The following UBE2O variants were observed in gnomAD, a reference collection of about 807,000 sequenced individuals.
UBE2O encodes the protein ubiquitin conjugating enzyme E2 O.
Under a neutral mutation model 125.8 loss-of-function variants are expected in UBE2O, and 15 were observed. That is an observed-to-expected ratio of 0.12 (90% CI 0.08 to 0.18). The LOEUF (loss-of-function observed/expected upper bound fraction) is 0.18. Among genes scored for constraint, UBE2O ranks in the 10% least tolerant of loss-of-function variants. The probability of loss-of-function intolerance (pLI) is 1.00; values close to 1 mark genes in which losing one functional copy is unlikely to be tolerated. For synonymous variants in UBE2O, 708 were observed against 703.2 expected, an observed-to-expected ratio of 1.01 and a Z score of -0.11; for missense variants, 1,280 against 1,723.6, an observed-to-expected ratio of 0.74 and a Z score of 4.56.
intron 1 of UBE2O, among the ~76,000 whole-genome samples, chr17:76,440,269 T>C (rs1460707588): frequency 6.6e-6 from 1 of 152,264 alleles, no homozygotes; most frequent in Non-Finnish European, 1.5e-5. Flanking sequence ...TATATGTTGA[T>C]ATAATATTTT....
intron 1 of UBE2O, among the ~76,000 whole-genome samples, chr17:76,434,931 C>T (rs1431225674): frequency 6.6e-6 from 1 of 152,016 alleles, no homozygotes; most frequent in East Asian, 1.9e-4. Context: ...TAGAGGGGCT[C>T]GGGCGCGCCC....
chr17:76,404,991 G>C lies in UBE2O; in HGVS notation c.588+215C>G, dbSNP rs1322654766. On this transcript the variant is annotated intron_variant, in intron 3 of 17. Transcript: ENST00000319380. This position sits in a 1 kb window ranked among gnomAD's most constrained non-coding sequence, Gnocchi z 4.3. ...TAACCACACTGGCAGCCTATGCTGG[G>C]GTTGGGGAAGGGCACGTCCTGACCT... Among the ~76,000 whole-genome samples the C allele has an allele frequency of 6.6e-6, 1 of 152,188 alleles. No homozygotes were observed. Among genetic ancestry groups the C allele is most frequent in the Admixed American group, 6.5e-5 (1 of 15,288 alleles).
rs1317067597 is a variant in UBE2O, at chr17:76,410,229, A to G, written c.418-4657T>C. On this transcript the variant is annotated intron_variant, in intron 1 of 17. Coordinates refer to ENST00000319380, the MANE Select transcript of UBE2O (RefSeq NM_022066.4). This position sits in a 1 kb window ranked among gnomAD's most constrained non-coding sequence, Gnocchi z 4.0. ...GAGCCCTGCCTGATGGTGATATCCA[A>G]AACATTACCTGATTTTTGGGCAGGG... 6.6e-6 allele frequency among the ~76,000 whole-genome samples: 1 copy of G among 152,064 alleles called. No individual in the cohort carries two copies. Among genetic ancestry groups the G allele is most frequent in the Admixed American group, 6.5e-5 (1 of 15,268 alleles).
At chr17:76,425,866 C>T (rs1026007573) in intron 1 of UBE2O, among the ~76,000 whole-genome samples, 2 of 149,574 alleles carry the variant, frequency 1.3e-5, no homozygotes, top group African/African-American at 2.6e-5. Flanking sequence ...CATCCTGTCT[C>T]TCTAACTCAG....
Position 76,400,334 on chromosome 17 carries a change from C to A in UBE2O, c.1005-37G>T, listed in dbSNP as rs761042286. The stretch of plus-strand genomic sequence containing the variant: ...AGAAGTGGGGGTGAGCTGGGCTGGA[C>A]TCCTGGGAGGCCAGCAGTGTTCTTA... On this transcript the variant is annotated intron_variant, in intron 7 of 17. Transcript: ENST00000319380. The surrounding 1 kb of genome is among the most constrained non-coding windows in gnomAD (Gnocchi z 4.3). The A allele has an allele frequency of 6.2e-7, 1 of 1,608,424 alleles. No individual in the cohort carries two copies. The highest frequency in any genetic ancestry group is 8.5e-7 in the Non-Finnish European group (1 of 1,176,224).
chr17:76,392,127 GA>G lies in UBE2O; in HGVS notation c.2947-15del. 2 of 1,121,434 alleles carry G rather than the reference GA, an allele frequency of 1.8e-6. No homozygotes were observed. The highest frequency in any genetic ancestry group is 2.5e-6 in the Non-Finnish European group (2 of 798,692). The allele number at this position is 1,121,434 out of a possible 1,614,324, so 69.5% of individuals were successfully genotyped here. A position where few individuals can be genotyped will look rare whatever the true frequency, so the allele number is the denominator to read the frequency against. ...TGAGAAGAGGTCCTAGGTAGGGAGG[GA>G]GGGAGGGAGGCCAAGGTTGGCAGGG... On this transcript the variant is annotated splice_polypyrimidine_tract_variant and intron_variant, in intron 15 of 17. Transcript: ENST00000319380.
chr17:76,445,147 G>T (rs1293242590), intron 1 of UBE2O, among the ~76,000 whole-genome samples: 1 of 152,166 alleles, frequency 6.6e-6, no homozygotes, highest in African/African-American at 2.4e-5. Context: ...TCTTTTTAAG[G>T]GTGCCTGCAG....
Position 76,399,214 on chromosome 17 carries a change from G to T in UBE2O, c.1629-223C>A. On this transcript the variant is annotated intron_variant, in intron 9 of 17. Transcript: ENST00000319380. The surrounding 1 kb of genome is among the most constrained non-coding windows in gnomAD (Gnocchi z 6.9). ...ACTTGGGAGAGCTCAGGCAAATGTG[G>T]TTCCAGAAGGCCAAGCTTAAGGCCA... 1.4e-6 allele frequency: 1 copy of T among 730,056 alleles called. No homozygotes were observed. The highest frequency in any genetic ancestry group is 2.2e-6 in the Non-Finnish European group (1 of 454,886). 45.2% of individuals were successfully genotyped at this position (730,056 alleles called of 1,614,324 possible).
In UBE2O at chr17:76,402,825, G is replaced by C; in HGVS notation, c.589-126C>G. 1 of 786,254 alleles carries C rather than the reference G, an allele frequency of 1.3e-6. No individual in the cohort carries two copies. The highest frequency in any genetic ancestry group is 2.2e-6 in the Non-Finnish European group (1 of 464,714). 48.7% of individuals were successfully genotyped at this position (786,254 alleles called of 1,614,324 possible). A position where few individuals can be genotyped will look rare whatever the true frequency, so the allele number is the denominator to read the frequency against. On this transcript the variant is annotated intron_variant, in intron 3 of 17. Transcript: ENST00000319380. This position sits in a 1 kb window ranked among gnomAD's most constrained non-coding sequence, Gnocchi z 5.4. ...TCTAGACAGCTCACTGACTGGACCG[G>C]TTGGCTACTAGCCCTAAACAGCTGC...
At chr17:76,445,839 G>A (rs1170460641) in intron 1 of UBE2O, among the ~76,000 whole-genome samples, 3 of 152,178 alleles carry the variant, frequency 2.0e-5, no homozygotes, top group Admixed American at 6.5e-5. Context: ...GAGTCCCCCC[G>A]TGGCTGGCTG....
rs1419311955 is a variant in UBE2O, at chr17:76,452,176, G to C, written c.417+549C>G. Among the ~76,000 whole-genome samples, 2 of 152,158 alleles carry C rather than the reference G, an allele frequency of 1.3e-5. No homozygotes were observed. The highest frequency in any genetic ancestry group is 2.9e-5 in the Non-Finnish European group (2 of 68,044). ...AGTTCCCTGCAGCAATTAAAAGGAG[G>C]CAGCAGGGTAAAACAAAAAGAGGCT... On this transcript the variant is annotated intron_variant, in intron 1 of 17. Transcript: ENST00000319380. This position sits in a 1 kb window ranked among gnomAD's most constrained non-coding sequence, Gnocchi z 4.4.
intron 15 of UBE2O, among the ~76,000 whole-genome samples, chr17:76,393,454 C>T (rs1185175653): frequency 6.6e-6 from 1 of 151,790 alleles, no homozygotes; most frequent in Non-Finnish European, 1.5e-5. Context: ...AGGCTGGTCT[C>T]GAACTCCTGA....
chr17:76,401,525 G>T (rs1337283003), intron 5 of UBE2O, among the ~76,000 whole-genome samples: 3 of 152,118 alleles, frequency 2.0e-5, no homozygotes, highest in Non-Finnish European at 4.4e-5. Context: ...ATCCTGTACT[G>T]AGAGAGACAA....
intron 1 of UBE2O, among the ~76,000 whole-genome samples, chr17:76,451,928 C>T (rs2073252208): frequency 6.6e-6 from 1 of 152,090 alleles, no homozygotes; most frequent in South Asian, 2.1e-4. Flanking sequence ...AGCATCACCC[C>T]AAAAACCATA....
chr17:76,419,376 T>C (rs1022626861), intron 1 of UBE2O, among the ~76,000 whole-genome samples: 5 of 152,204 alleles, frequency 3.3e-5, no homozygotes, highest in Middle Eastern at 3.4e-3. Flanking sequence ...AAAAAAAGTT[T>C]TTAAGTTTAC....
chr17:76,393,431 C>CT (rs2072149840), intron 15 of UBE2O, among the ~76,000 whole-genome samples: 1 of 151,786 alleles, frequency 6.6e-6, no homozygotes, highest in Non-Finnish European at 1.5e-5. Context: ...GACGGGGTTT[C>CT]ACCATGTTGG....
chr17:76,396,974 C>T lies in UBE2O; in HGVS notation c.2116-153G>A, dbSNP rs2072222160. ...CATTCCACCCTTTCCCTGACCTCTG[C>T]TCTGGCTTTTGCAGTCCCTAGGTCT... is the stretch of plus-strand genomic sequence containing the variant. On this transcript the variant is annotated intron_variant, in intron 13 of 17. Coordinates refer to ENST00000319380, the MANE Select transcript of UBE2O (RefSeq NM_022066.4). This position sits in a 1 kb window ranked among gnomAD's most constrained non-coding sequence, Gnocchi z 6.7. Among the ~76,000 whole-genome samples the T allele has an allele frequency of 6.6e-6, 1 of 152,182 alleles. No individual in the cohort carries two copies. Among genetic ancestry groups the T allele is most frequent in the African/African-American group, 2.4e-5 (1 of 41,440 alleles).
chr17:76,420,267 C>A (rs1301179937), intron 1 of UBE2O, among the ~76,000 whole-genome samples: 1 of 152,118 alleles, frequency 6.6e-6, no homozygotes, highest in Non-Finnish European at 1.5e-5. Flanking sequence ...AAATAACACA[C>A]AAGAGCCCTG....
intron 1 of UBE2O, among the ~76,000 whole-genome samples, chr17:76,416,217 T>G (rs2072614756): frequency 6.6e-6 from 1 of 151,946 alleles, no homozygotes; most frequent in Admixed American, 6.6e-5. Context: ...TGTATATGTA[T>G]GTATATGTAT....
Sources: gnomAD v4.1 joint callset for allele counts (sites outside exome capture counted in the v4.1 genomes callset) on GRCh38, gnomAD v4.1.1 for gene constraint, Gnocchi (gnomAD v3.1) non-coding constraint, MANE v1.5 for transcripts, NCBI Gene and HGNC (gene_info 2026-07-23, HGNC 2026-07-21) for gene names.